The following DNM3 variants were observed in gnomAD, a reference collection of about 807,000 sequenced individuals.
The protein encoded by DNM3 is dynamin 3.
A neutral mutation model predicts 101.6 loss-of-function variants in DNM3; 47 were observed. The observed-to-expected ratio is 0.46, with a 90% confidence interval of 0.37 to 0.59. DNM3 has a LOEUF of 0.59. DNM3 is among the 20% of genes least tolerant of loss of function. The pLI is 0.00. For synonymous variants in DNM3, 385 were observed against 387.9 expected (o/e 0.99, Z 0.09); for missense variants, 849 against 1,085.7 (o/e 0.78, Z 3.06).
chr1:171,971,313 T>A (rs562830610), intron 2 of DNM3, among the ~76,000 whole-genome samples: 1 of 152,230 alleles, frequency 6.6e-6, no homozygotes, highest in South Asian at 2.1e-4. Flanking sequence ...CTAATTCAGA[T>A]TCTACCCTTT....
At chr1:172,334,831 C>CT (rs1333168488) in intron 17 of DNM3, among the ~76,000 whole-genome samples, 1 of 152,062 alleles carries the variant, frequency 6.6e-6, no homozygotes, top group Non-Finnish European at 1.5e-5. Context: ...TTAACCCACA[C>CT]TTTTTTGTGA....
chr1:172,261,823 TG>T (rs1353976219), intron 15 of DNM3, among the ~76,000 whole-genome samples: 4 of 152,154 alleles, frequency 2.6e-5, no homozygotes, highest in Non-Finnish European at 5.9e-5. Flanking sequence ...TCTCAGACCC[TG>T]GGAGAAGTGC....
chr1:172,282,498 G>C (rs2063528665), intron 15 of DNM3, among the ~76,000 whole-genome samples: 1 of 151,960 alleles, frequency 6.6e-6, no homozygotes, highest in African/African-American at 2.4e-5. Flanking sequence ...TTCTCTATCT[G>C]ATTGCAATGT....
At chr1:172,353,729 T>C (rs1016899943) in intron 17 of DNM3, among the ~76,000 whole-genome samples, 4 of 152,162 alleles carry the variant, frequency 2.6e-5, no homozygotes, top group African/African-American at 9.7e-5. Context: ...TCTTAGCTTT[T>C]GAAAAAGCAA....
At chr1:172,167,012 T>C (rs1260009638) in intron 14 of DNM3, among the ~76,000 whole-genome samples, 2 of 151,990 alleles carry the variant, frequency 1.3e-5, no homozygotes, top group Non-Finnish European at 2.9e-5. Context: ...GTTGGTGTGC[T>C]GCACCCATTA....
intron 1 of DNM3, among the ~76,000 whole-genome samples, chr1:171,892,089 A>G (rs2037334354): frequency 6.6e-6 from 1 of 152,030 alleles, no homozygotes; most frequent in Non-Finnish European, 1.5e-5. Context: ...TACTTTATTT[A>G]TTTATTTGCT....
At chr1:171,892,892 A>G (rs2037421802) in intron 1 of DNM3, among the ~76,000 whole-genome samples, 1 of 149,884 alleles carries the variant, frequency 6.7e-6, no homozygotes, top group Non-Finnish European at 1.5e-5. Context: ...TATTGCCACC[A>G]CTGATCAGAC....
chr1:172,084,957 G>A (rs77374067), intron 12 of DNM3, among the ~76,000 whole-genome samples: 3,578 of 152,142 alleles, frequency 0.024, 113 homozygotes, highest in East Asian at 0.14. Flanking sequence ...TTTCAGAGTA[G>A]CATTCAGGAC....
At chr1:172,223,845 A>T (rs938128274) in intron 14 of DNM3, among the ~76,000 whole-genome samples, 1 of 152,070 alleles carries the variant, frequency 6.6e-6, no homozygotes, top group Non-Finnish European at 1.5e-5. Context: ...GCTCTCATCA[A>T]TCACTTCCTT....
intron 17 of DNM3, among the ~76,000 whole-genome samples, chr1:172,338,137 G>A (rs1407006456): frequency 6.6e-6 from 1 of 151,650 alleles, no homozygotes; most frequent in Non-Finnish European, 1.5e-5. Context: ...GGCTGGTCTC[G>A]AACTCCTGAC....
At chr1:171,930,412 C>G (rs986544664) in intron 2 of DNM3, among the ~76,000 whole-genome samples, 2 of 152,176 alleles carry the variant, frequency 1.3e-5, no homozygotes, top group African/African-American at 4.8e-5. Context: ...GGTCTATCCT[C>G]CTGCTTTGCC....
At chr1:172,247,179 C>G (rs930042081) in intron 14 of DNM3, among the ~76,000 whole-genome samples, 7 of 152,020 alleles carry the variant, frequency 4.6e-5, no homozygotes, top group Admixed American at 1.3e-4. Context: ...CGCGTGTGGT[C>G]TACGCACGTT....
At chr1:172,017,122 G>A (rs956108429) in intron 4 of DNM3, among the ~76,000 whole-genome samples, 3 of 152,082 alleles carry the variant, frequency 2.0e-5, no homozygotes, top group Non-Finnish European at 4.4e-5. Context: ...TAATTTGCAT[G>A]CTCTCTCTTT....
At chr1:171,907,749 C>A (rs1321468894) in intron 1 of DNM3, among the ~76,000 whole-genome samples, 1 of 152,138 alleles carries the variant, frequency 6.6e-6, no homozygotes, top group Non-Finnish European at 1.5e-5. Context: ...CACAATGAGG[C>A]TTACTTTGAT....
intron 10 of DNM3, 61 bp from the exon 11 acceptor site, chr1:172,068,758 G>C (rs2051907902): frequency 7.4e-7 from 1 of 1,360,256 alleles, no homozygotes; most frequent in Non-Finnish European, 1.0e-6. Flanking sequence ...ATTTATCTCT[G>C]CTTCTTTTTT....
chr1:171,902,374 T>G (rs542306228), intron 1 of DNM3, among the ~76,000 whole-genome samples: 21 of 152,336 alleles, frequency 1.4e-4, no homozygotes, highest in Admixed American at 1.2e-3. Flanking sequence ...ATGCTCATGA[T>G]TGAATTGTGG....
At chr1:172,098,076 G>A (rs1315689683) in intron 13 of DNM3, among the ~76,000 whole-genome samples, 10 of 152,136 alleles carry the variant, frequency 6.6e-5, no homozygotes, top group African/African-American at 1.7e-4. Flanking sequence ...TTTCAGGCAC[G>A]CATTGTCATT....
chr1:172,033,733 A>T (rs1445971229), intron 6 of DNM3, among the ~76,000 whole-genome samples: 1 of 152,180 alleles, frequency 6.6e-6, no homozygotes, highest in Non-Finnish European at 1.5e-5. Flanking sequence ...AATCCTAATT[A>T]AATAATCATT....
chr1:172,317,142 G>T (rs1236512786), intron 16 of DNM3, among the ~76,000 whole-genome samples: 3 of 150,802 alleles, frequency 2.0e-5, no homozygotes, highest in Non-Finnish European at 3.0e-5. Flanking sequence ...ATGACTACTG[G>T]GTACATAACG....
Sources: allele counts gnomAD v4.1 joint callset (sites outside exome capture counted in the v4.1 genomes callset), GRCh38; gene constraint gnomAD v4.1.1; transcripts MANE v1.5; gene names NCBI Gene and HGNC (gene_info 2026-07-23, HGNC 2026-07-21).